ADGRL2: variants seen among roughly 807,000 people sequenced by gnomAD.
ADGRL2 encodes the protein adhesion G protein-coupled receptor L2.
Under a neutral mutation model 157.4 loss-of-function variants are expected in ADGRL2, and 44 were observed. That is an observed-to-expected ratio of 0.28 (90% confidence interval 0.22 to 0.36). ADGRL2 has a LOEUF of 0.36. Ranked by LOEUF, ADGRL2 falls within the 10% of genes least tolerant of loss-of-function variation. The pLI is 1.00. For missense variants in ADGRL2, 1,510 were observed against 1,768.9 expected (o/e 0.85, Z 2.63); for synonymous variants, 585 against 624.7 (o/e 0.94, Z 0.95).
chr1:81,883,451 G>A (rs416427), intron 2 of ADGRL2, among the ~76,000 whole-genome samples: 20,866 of 152,040 alleles, frequency 0.14, 1,607 homozygotes, highest in Admixed American at 0.21. Flanking sequence ...ATTTTTGGAG[G>A]AAATCCTCCT....
intron 3 of ADGRL2, among the ~76,000 whole-genome samples, chr1:81,936,106 A>G (rs1195417854): frequency 6.6e-6 from 1 of 151,958 alleles, no homozygotes; most frequent in Non-Finnish European, 1.5e-5. Context: ...GCATTTTTCT[A>G]AATCCTTTAA....
intron 1 of ADGRL2, among the ~76,000 whole-genome samples, chr1:81,760,471 C>G (rs1571106249): frequency 6.6e-6 from 1 of 151,982 alleles, no homozygotes; most frequent in African/African-American, 2.4e-5. Flanking sequence ...TGTTTCTTTT[C>G]TAAATACATT....
At chr1:81,870,506 A>G (rs1299851011) in intron 2 of ADGRL2, among the ~76,000 whole-genome samples, 1 of 152,110 alleles carries the variant, frequency 6.6e-6, no homozygotes, top group Non-Finnish European at 1.5e-5. Context: ...TTCACATTAA[A>G]ACTTCACATT....
At chr1:81,308,890 TCAAGA>T (rs1440250819) in intron 1 of ADGRL2, among the ~76,000 whole-genome samples, 1 of 152,120 alleles carries the variant, frequency 6.6e-6, no homozygotes, top group African/African-American at 2.4e-5. Context: ...AAGCAACTGT[TCAAGA>T]CAAGTTACAT....
intron 2 of ADGRL2, among the ~76,000 whole-genome samples, chr1:81,899,020 C>T (rs1355756737): frequency 6.6e-6 from 1 of 152,108 alleles, no homozygotes; most frequent in Non-Finnish European, 1.5e-5. Flanking sequence ...ATGGTGCTTC[C>T]TGGGACCCTC....
At chr1:81,688,190 T>C (rs1474417899) in intron 3 of ADGRL2, among the ~76,000 whole-genome samples, 3 of 152,180 alleles carry the variant, frequency 2.0e-5, no homozygotes, top group Non-Finnish European at 4.4e-5. Context: ...GTGTTCTTTA[T>C]GCTTCTTATA....
At chr1:81,751,477 G>A (rs1012591780) in intron 1 of ADGRL2, among the ~76,000 whole-genome samples, 3 of 152,146 alleles carry the variant, frequency 2.0e-5, no homozygotes, top group Non-Finnish European at 2.9e-5. Flanking sequence ...TAAACAAGGA[G>A]CATCTTACAA....
intron 3 of ADGRL2, chr1:81,596,530 G>T: frequency 2.8e-6 from 1 of 357,902 alleles, no homozygotes; most frequent in South Asian, 2.6e-5. Flanking sequence ...CTCCCTGACC[G>T]ACTTGTTCCT....
chr1:81,467,257 A>C (rs1459418438), intron 2 of ADGRL2, among the ~76,000 whole-genome samples: 1 of 152,168 alleles, frequency 6.6e-6, no homozygotes, highest in African/African-American at 2.4e-5. Flanking sequence ...TTAATGAGAA[A>C]TATCTTCCTT....
rs140169055 is a variant in ADGRL2, at chr1:81,984,705, C to A, written c.3405C>A (p.Gly1135=). The change falls in exon 20 of 24, where the codon GGC becomes GGA. Residue 1135 remains glycine, a synonymous_variant. Transcript: ENST00000686636. The stretch of plus-strand genomic sequence containing the variant: ...GAACCAGTGCTCGCTATTCCTCTGG[C>A]ACACAGGTAACAAAGAGTTTGACAG... ...TTRTSARYSS[G]TQSRIRRMWN... 3.1e-4 allele frequency: 499 copies of A among 1,612,576 alleles called. 10 individuals carry two copies. In the South Asian group the frequency reaches 3.5e-3, roughly 11 times the overall value.
At chr1:81,552,364 GCA>G (rs1197548769) in intron 2 of ADGRL2, among the ~76,000 whole-genome samples, 1 of 152,102 alleles carries the variant, frequency 6.6e-6, no homozygotes, top group African/African-American at 2.4e-5. Context: ...TTGGTCCCGA[GCA>G]CAGTTAGACC....
intron 1 of ADGRL2, among the ~76,000 whole-genome samples, chr1:81,314,051 CA>C (rs1659940377): frequency 6.6e-6 from 1 of 152,150 alleles, no homozygotes; most frequent in African/African-American, 2.4e-5. Flanking sequence ...TTAGGCAGTG[CA>C]AAATGCTGAT....
chr1:81,401,911 T>C (rs1032951359), intron 1 of ADGRL2, among the ~76,000 whole-genome samples: 2 of 152,202 alleles, frequency 1.3e-5, no homozygotes, highest in Admixed American at 6.5e-5. Flanking sequence ...TTAAAGATAA[T>C]AACTTGTTCA....
intron 1 of ADGRL2, among the ~76,000 whole-genome samples, chr1:81,363,134 G>T (rs1341083860): frequency 2.6e-5 from 4 of 151,928 alleles, no homozygotes; most frequent in African/African-American, 9.7e-5. Flanking sequence ...TCAGTATTTG[G>T]ATGTAATTAG....
At chr1:81,687,515 T>C (rs1418115974) in intron 3 of ADGRL2, among the ~76,000 whole-genome samples, 1 of 152,174 alleles carries the variant, frequency 6.6e-6, no homozygotes, top group Non-Finnish European at 1.5e-5. Flanking sequence ...ACTCCTTTAC[T>C]TTAAGTTTAT....
intron 3 of ADGRL2, among the ~76,000 whole-genome samples, chr1:81,609,635 T>G (rs2081501621): frequency 6.6e-6 from 1 of 152,186 alleles, no homozygotes; most frequent in Admixed American, 6.5e-5. Flanking sequence ...CTTTTAGGTG[T>G]TCCCTCCACA....
chr1:81,319,319 T>C (rs1254454749), intron 1 of ADGRL2, among the ~76,000 whole-genome samples: 5 of 152,190 alleles, frequency 3.3e-5, no homozygotes, highest in African/African-American at 1.2e-4. Context: ...TCCAGATTTA[T>C]ACTTCTTTAA....
intron 1 of ADGRL2, among the ~76,000 whole-genome samples, chr1:81,718,978 A>G (rs1365176505): frequency 1.3e-5 from 2 of 152,228 alleles, no homozygotes; most frequent in African/African-American, 4.8e-5. Context: ...GTGATTGAAT[A>G]TCTGTTGGAC....
chr1:81,659,330 G>A (rs1030402801), intron 3 of ADGRL2, among the ~76,000 whole-genome samples: 4 of 152,056 alleles, frequency 2.6e-5, no homozygotes, highest in Non-Finnish European at 5.9e-5. Context: ...CCAGAGTGCT[G>A]GGATTACAGG....
Sources: allele counts gnomAD v4.1 joint callset (sites outside exome capture counted in the v4.1 genomes callset), GRCh38; gene constraint gnomAD v4.1.1; transcripts MANE v1.5; gene names NCBI Gene and HGNC (gene_info 2026-07-23, HGNC 2026-07-21).